Variants in DOCK1 observed in about 807,000 individuals in gnomAD.
The protein encoded by DOCK1 is dedicator of cytokinesis 1, also known as dedicator of cytokinesis protein 1.
Under a neutral mutation model 262.7 loss-of-function variants are expected in DOCK1, and 138 were observed. The ratio of observed to expected loss-of-function variants is 0.53; its 90% CI spans 0.46 to 0.61. The LOEUF (loss-of-function observed/expected upper bound fraction) is 0.61. Among genes scored for constraint, DOCK1 ranks in the 20% least tolerant of loss-of-function variants. The pLI is 0.00. For synonymous variants in DOCK1, 866 were observed against 867.4 expected (o/e 1.00, Z 0.03); for missense variants, 1,908 against 2,370.7 (o/e 0.80, Z 4.05).
chr10:127,130,277 G>A (rs1038575098), intron 27 of DOCK1, among the ~76,000 whole-genome samples: 5 of 151,906 alleles, frequency 3.3e-5, no homozygotes, highest in African/African-American at 1.2e-4. Flanking sequence ...GTACAGTTGG[G>A]GTTTCACCAT....
chr10:127,337,104 A>G (rs1191463156), intron 29 of DOCK1, among the ~76,000 whole-genome samples: 1 of 152,178 alleles, frequency 6.6e-6, no homozygotes, highest in African/African-American at 2.4e-5. Flanking sequence ...TTAAGGGGAA[A>G]AAAAATTGTG....
chr10:126,909,040 T>G (rs1361971722), intron 1 of DOCK1, among the ~76,000 whole-genome samples: 2 of 152,324 alleles, frequency 1.3e-5, no homozygotes, highest in African/African-American at 2.4e-5. Flanking sequence ...CAAAAGGGAC[T>G]TGGCAGATGT....
chr10:127,329,641 G>A (rs2062891411), intron 29 of DOCK1, among the ~76,000 whole-genome samples: 1 of 152,172 alleles, frequency 6.6e-6, no homozygotes, highest in Admixed American at 6.5e-5. Context: ...TCCCCCAGCA[G>A]TAGAGACTTC....
At chr10:127,366,453 T>A (rs1590722949) in intron 33 of DOCK1, among the ~76,000 whole-genome samples, 2 of 152,134 alleles carry the variant, frequency 1.3e-5, no homozygotes, top group Non-Finnish European at 2.9e-5. Flanking sequence ...CTGGCCTCCG[T>A]GGCAGTCGGT....
intron 2 of DOCK1, among the ~76,000 whole-genome samples, chr10:126,975,628 CT>C (rs79203184): frequency 0.013 from 1,930 of 143,004 alleles, 30 homozygotes; most frequent in African/African-American, 0.039. Context: ...TCTTTCTTTT[CT>C]TTTTTTTTTT....
At position 127,350,105 on chromosome 10, in the gene DOCK1, A is replaced by G. The variant is rs185750818; in HGVS notation, c.3225-4564A>G. 9.4e-3 allele frequency among the ~76,000 whole-genome samples: 1,438 copies of G among 152,320 alleles called. 6 individuals carry two copies. The highest frequency in any genetic ancestry group is 0.015 in the Non-Finnish European group (1,036 of 68,032). On this transcript the variant is annotated intron_variant, in intron 31 of 51. Coordinates refer to ENST00000623213, the MANE Select transcript of DOCK1 (RefSeq NM_001290223.2). The stretch of plus-strand genomic sequence containing the variant: ...TTTTTTCAGTGAAATAGAATCTAGG[A>G]AAAAATATCAGCATTCATTGCAGGC...
intron 38 of DOCK1, among the ~76,000 whole-genome samples, chr10:127,387,780 T>C (rs1460557783): frequency 6.6e-6 from 1 of 152,056 alleles, no homozygotes; most frequent in East Asian, 1.9e-4. Context: ...CATTTAACAG[T>C]GCTTCCTGAC....
At chr10:127,024,354 G>A (rs1266419789) in intron 14 of DOCK1, among the ~76,000 whole-genome samples, 1 of 152,174 alleles carries the variant, frequency 6.6e-6, no homozygotes, top group Non-Finnish European at 1.5e-5. Context: ...TTAGTCTACA[G>A]TCCCTCACCC....
intron 1 of DOCK1, among the ~76,000 whole-genome samples, chr10:126,969,502 A>G (rs2037931743): frequency 6.6e-6 from 1 of 152,140 alleles, no homozygotes; most frequent in Non-Finnish European, 1.5e-5. Flanking sequence ...GCTTTTCTTT[A>G]GTTGGGGATG....
intron 48 of DOCK1, among the ~76,000 whole-genome samples, chr10:127,438,151 T>TAGG (rs1257573579): frequency 2.0e-5 from 3 of 152,214 alleles, no homozygotes; most frequent in Non-Finnish European, 4.4e-5. Context: ...ACTCCAGTCT[T>TAGG]AGAGTTGGAT....
chr10:127,249,133 T>A (rs2134802310), intron 28 of DOCK1, among the ~76,000 whole-genome samples: 1 of 152,250 alleles, frequency 6.6e-6, no homozygotes, highest in Non-Finnish European at 1.5e-5. Flanking sequence ...AGTGTACTAG[T>A]GTTTCTAGAA....
chr10:127,243,437 A>C (rs2059330790), intron 27 of DOCK1, among the ~76,000 whole-genome samples: 1 of 151,920 alleles, frequency 6.6e-6, no homozygotes, highest in Non-Finnish European at 1.5e-5. Flanking sequence ...TTTTCCTTCT[A>C]CTGAGACTCA....
chr10:126,942,149 C>T (rs998863830), intron 1 of DOCK1, among the ~76,000 whole-genome samples: 10 of 149,828 alleles, frequency 6.7e-5, no homozygotes, highest in South Asian at 4.2e-4. Flanking sequence ...CTCAGCCTCC[C>T]GAGTAGCGGG....
intron 27 of DOCK1, among the ~76,000 whole-genome samples, chr10:127,177,351 C>T (rs770089323): frequency 9.2e-5 from 14 of 152,248 alleles, no homozygotes; most frequent in African/African-American, 1.7e-4. Context: ...TGACTCCTCT[C>T]GGGGAATACC....
chr10:127,041,921 T>G (rs1313430454), intron 19 of DOCK1, among the ~76,000 whole-genome samples: 1 of 152,122 alleles, frequency 6.6e-6, no homozygotes, highest in Non-Finnish European at 1.5e-5. Flanking sequence ...ACCGTGATCT[T>G]CAGTCCGTCT....
At chr10:127,314,380 G>A (rs937330485) in intron 29 of DOCK1, among the ~76,000 whole-genome samples, 1 of 152,208 alleles carries the variant, frequency 6.6e-6, no homozygotes, top group Non-Finnish European at 1.5e-5. Context: ...CCAGCAGTGG[G>A]TTCTGGGCAA....
chr10:127,349,841 CTTT>C (rs2063802256), intron 31 of DOCK1, among the ~76,000 whole-genome samples: 4 of 152,154 alleles, frequency 2.6e-5, no homozygotes, highest in South Asian at 4.1e-4. Context: ...TGGCCTTCTT[CTTT>C]GTGTCTTCCT....
chr10:127,028,928 G>A (rs1772336013), intron 16 of DOCK1, among the ~76,000 whole-genome samples: 1 of 152,284 alleles, frequency 6.6e-6, no homozygotes, highest in South Asian at 2.1e-4. Context: ...TGAGGCCCAC[G>A]GAGGAAGCAG....
intron 29 of DOCK1, among the ~76,000 whole-genome samples, chr10:127,274,578 G>A (rs530159399): frequency 1.3e-5 from 2 of 152,310 alleles, no homozygotes; most frequent in Admixed American, 1.3e-4. Flanking sequence ...TTTGGGGCAT[G>A]TTTTGCAGGC....
Sources: allele counts gnomAD v4.1 joint callset (sites outside exome capture counted in the v4.1 genomes callset), GRCh38; gene constraint gnomAD v4.1.1; transcripts MANE v1.5; gene names NCBI Gene and HGNC (gene_info 2026-07-23, HGNC 2026-07-21).